RNF216: variants seen among roughly 807,000 people sequenced by gnomAD.
RNF216 encodes E3 ubiquitin-protein ligase RNF216.
A neutral mutation model predicts 110.8 loss-of-function variants in RNF216; 72 were observed. The ratio of observed to expected loss-of-function variants is 0.65; its 90% CI spans 0.54 to 0.79. The LOEUF (loss-of-function observed/expected upper bound fraction) is 0.79. RNF216 is among the 30% of genes least tolerant of loss of function. RNF216 has a pLI of 0.00. For missense variants in RNF216, 1,342 were observed against 1,141.2 expected (o/e 1.18, Z -2.54); for synonymous variants, 495 against 407.5 (o/e 1.21, Z -2.59).
chr7:5,625,819 C>G (rs1786671709), intron 15 of RNF216, among the ~76,000 whole-genome samples: 1 of 152,192 alleles, frequency 6.6e-6, no homozygotes, highest in African/African-American at 2.4e-5. Context: ...AATAAACTCC[C>G]TGGAGATTGG....
At chr7:5,738,271 G>A (rs79181066) in intron 5 of RNF216, among the ~76,000 whole-genome samples, 1 of 152,034 alleles carries the variant, frequency 6.6e-6, no homozygotes. Flanking sequence ...CTGGCTCCCA[G>A]GCTGGAGTGC....
rs550853245 is a variant in RNF216 at position 5,681,385 on chromosome 7, G to A, written c.2062-28875C>T. ...AAAAGTCATCCTTGGCCCCAAACAC[G>A]TCACATTTTATAGCTACACAGAAAC... is the stretch of plus-strand genomic sequence containing the variant. On this transcript the variant is annotated intron_variant, in intron 13 of 16. Transcript: ENST00000389902. Among the ~76,000 whole-genome samples the A allele has an allele frequency of 2.0e-4, 31 of 152,232 alleles. 1 individual carries two copies. The South Asian group carries it at 2.7e-3, about 13-fold the overall frequency.
In RNF216 at chr7:5,741,176, G is replaced by T; in HGVS notation, c.841C>A (p.Gln281Lys). Residue 281 changes from glutamine to lysine, a missense_variant, in exon 4 of 17, where the codon CAA (glutamine) becomes AAA (lysine). By Grantham distance (53) the Gln-to-Lys change is moderately conservative (BLOSUM62 1). Coordinates refer to ENST00000389902, the MANE Select transcript of RNF216 (RefSeq NM_207111.4). ...GPAFPRPEPQQGGISGPSSPQ... is the reference protein window; with the variant it reads ...GPAFPRPEPQKGGISGPSSPQ... ...GAAGAGGGGCCTGAAATCCCACCTT[G>T]CTGGGGTTCCGGCCTTGGAAAAGCG... is the stretch of plus-strand genomic sequence containing the variant. 6.2e-7 allele frequency: 1 copy of T among 1,614,142 alleles called. No homozygotes were observed. Among genetic ancestry groups the T allele is most frequent in the Non-Finnish European group, 8.5e-7 (1 of 1,180,030 alleles).
intron 14 of RNF216, among the ~76,000 whole-genome samples, chr7:5,646,601 G>A (rs1000945445): frequency 1.3e-5 from 2 of 151,686 alleles, no homozygotes; most frequent in African/African-American, 4.9e-5. Context: ...GCTGAGGCAG[G>A]AGAATCGCTT....
chr7:5,721,868 A>G (rs1247501401), intron 8 of RNF216, among the ~76,000 whole-genome samples: 1 of 152,258 alleles, frequency 6.6e-6, no homozygotes, highest in African/African-American at 2.4e-5. Context: ...AATAACAAAT[A>G]TTAGACACGT....
Position 5,751,707 on chromosome 7 carries a change from C to T in RNF216, c.201+1139G>A, listed in dbSNP as rs991812130. Among the ~76,000 whole-genome samples the T allele has an allele frequency of 4.0e-5, 6 of 151,868 alleles. No homozygotes were observed. The East Asian group carries it at 1.2e-3, about 29-fold the overall frequency. ...GGACTTTGCTTCTGCTCTCTTCAGC[C>T]CTTCTTTGTCTATAAAGCCAACCAC... On this transcript the variant is annotated intron_variant, in intron 3 of 16. Coordinates refer to ENST00000389902, the MANE Select transcript of RNF216 (RefSeq NM_207111.4).
chr7:5,661,185 C>A (rs529888477), intron 13 of RNF216, among the ~76,000 whole-genome samples: 1 of 151,158 alleles, frequency 6.6e-6, no homozygotes, highest in Non-Finnish European at 1.5e-5. Flanking sequence ...AGTGATCTGC[C>A]CACCTCGGCC....
chr7:5,754,165 C>T (rs1208422281), intron 2 of RNF216, among the ~76,000 whole-genome samples: 2 of 131,044 alleles, frequency 1.5e-5, no homozygotes, highest in Non-Finnish European at 3.3e-5. Flanking sequence ...TGTGTGTGCG[C>T]ATTTGTCTGG....
At chr7:5,743,289 A>T (rs1794864342) in intron 3 of RNF216, among the ~76,000 whole-genome samples, 1 of 152,118 alleles carries the variant, frequency 6.6e-6, no homozygotes, top group Non-Finnish European at 1.5e-5. Context: ...ACAAATACAT[A>T]AATATAAATA....
chr7:5,645,554 T>C (rs1787999535), intron 14 of RNF216, among the ~76,000 whole-genome samples: 1 of 152,144 alleles, frequency 6.6e-6, no homozygotes, highest in Admixed American at 6.6e-5. Flanking sequence ...TCTCAGCTAT[T>C]GTAATTTTGG....
intron 1 of RNF216, among the ~76,000 whole-genome samples, chr7:5,777,131 C>G (rs887157598): frequency 2.0e-5 from 3 of 148,780 alleles, no homozygotes; most frequent in Admixed American, 2.0e-4. Flanking sequence ...TGGAGCCCGG[C>G]CTTCCAGCAG....
intron 9 of RNF216, among the ~76,000 whole-genome samples, chr7:5,720,298 A>G (rs1793336735): frequency 6.6e-6 from 1 of 152,172 alleles, no homozygotes; most frequent in East Asian, 1.9e-4. Context: ...CGTGAAGACC[A>G]TGAAGATAAA....
intron 13 of RNF216, among the ~76,000 whole-genome samples, chr7:5,664,083 C>T (rs1789346041): frequency 2.6e-5 from 4 of 152,050 alleles, no homozygotes; most frequent in Non-Finnish European, 5.9e-5. Context: ...TAGATTTGAG[C>T]GGCACAAGGT....
chr7:5,750,124 C>T (rs1029869598), intron 3 of RNF216, among the ~76,000 whole-genome samples: 1 of 152,130 alleles, frequency 6.6e-6, no homozygotes, highest in African/African-American at 2.4e-5. Flanking sequence ...AATAAAAGGA[C>T]ACAACTGGAA....
At chr7:5,673,186 A>AC (rs1299233947) in intron 13 of RNF216, among the ~76,000 whole-genome samples, 1 of 152,176 alleles carries the variant, frequency 6.6e-6, no homozygotes, top group Non-Finnish European at 1.5e-5. Context: ...CACCAGCACC[A>AC]CCCCAAGCGG....
chr7:5,754,541 T>A (rs1284871397), intron 2 of RNF216, among the ~76,000 whole-genome samples: 1 of 151,772 alleles, frequency 6.6e-6, no homozygotes, highest in African/African-American at 2.4e-5. Context: ...CTATGGGGGA[T>A]CATTCTGAAG....
At chr7:5,654,544 G>T (rs1584385956) in intron 13 of RNF216, among the ~76,000 whole-genome samples, 1 of 151,794 alleles carries the variant, frequency 6.6e-6, no homozygotes, top group African/African-American at 2.4e-5. Flanking sequence ...AAAATTAGTT[G>T]GGCGTGGTAG....
intron 15 of RNF216, among the ~76,000 whole-genome samples, chr7:5,627,955 G>GA (rs1300641885): frequency 1.3e-5 from 2 of 152,130 alleles, no homozygotes; most frequent in African/African-American, 2.4e-5. Context: ...TCCTATTTCA[G>GA]AACTCCCTCA....
intron 7 of RNF216, among the ~76,000 whole-genome samples, chr7:5,728,666 C>T (rs555425275): frequency 2.0e-5 from 3 of 152,322 alleles, no homozygotes; most frequent in South Asian, 2.1e-4. Flanking sequence ...TTGGTTCTTC[C>T]CTTCCTACAG....
Sources: gnomAD v4.1 joint callset for allele counts (sites outside exome capture counted in the v4.1 genomes callset) on GRCh38, gnomAD v4.1.1 for gene constraint, MANE v1.5 for transcripts, NCBI Gene and HGNC (gene_info 2026-07-23, HGNC 2026-07-21) for gene names.